The following MAGI1 variants were observed in gnomAD, a reference collection of about 807,000 sequenced individuals.
The protein encoded by MAGI1 is membrane associated guanylate kinase, WW and PDZ domain containing 1.
A neutral mutation model predicts 139.9 loss-of-function variants in MAGI1; 58 were observed. The ratio of observed to expected loss-of-function variants is 0.41; its 90% CI spans 0.34 to 0.52. MAGI1 has a LOEUF of 0.52. Ranked by LOEUF, MAGI1 falls within the 20% of genes least tolerant of loss-of-function variation. The pLI is 0.12. For synonymous variants in MAGI1, 812 were observed against 737.9 expected (o/e 1.10, Z -1.63); for missense variants, 1,874 against 1,901.6 (o/e 0.99, Z 0.27).
At chr3:65,979,293 C>T (rs908230687) in intron 1 of MAGI1, among the ~76,000 whole-genome samples, 4 of 152,024 alleles carry the variant, frequency 2.6e-5, no homozygotes, top group African/African-American at 9.7e-5. Context: ...ATCACATTCC[C>T]GGGGTGGAAA....
chr3:65,767,381 G>C (rs1334204526), intron 1 of MAGI1, among the ~76,000 whole-genome samples: 1 of 151,848 alleles, frequency 6.6e-6, no homozygotes, highest in Non-Finnish European at 1.5e-5. Flanking sequence ...ACATTAGGTA[G>C]ATCATTAGAG....
Position 65,356,893 on chromosome 3 carries a change from C to G in MAGI1, c.3874G>C (p.Gly1292Arg). The G allele has an allele frequency of 1.2e-6, 2 of 1,614,154 alleles. No homozygotes were observed. Among genetic ancestry groups the G allele is most frequent in the Non-Finnish European group, 1.7e-6 (2 of 1,179,992 alleles). ...GCCCGGTCCTTGGGTCGGCATGCCC[C>G]GCTGTCGGGTTTCCTCGAAGTCCCA... is the stretch of plus-strand genomic sequence containing the variant. ...WNGTSRKPDS[G>R]ACRPKDRAPE... Residue 1292 changes from glycine (G) to arginine (R), a missense_variant, in exon 23 of 23, where the codon GGG becomes CGG. Physicochemically the swap from Gly to Arg is moderately radical, Grantham distance 125 (BLOSUM62 -2). Coordinates refer to ENST00000402939, the MANE Select transcript of MAGI1 (RefSeq NM_001033057.2).
intron 1 of MAGI1, among the ~76,000 whole-genome samples, chr3:65,717,029 A>G (rs970468806): frequency 6.6e-6 from 1 of 152,200 alleles, no homozygotes; most frequent in Non-Finnish European, 1.5e-5. Flanking sequence ...CTTTGCCGAT[A>G]TGATTAAGTA....
At chr3:65,650,819 A>T (rs531528885) in intron 1 of MAGI1, among the ~76,000 whole-genome samples, 27 of 152,330 alleles carry the variant, frequency 1.8e-4, no homozygotes, top group African/African-American at 6.0e-4. Flanking sequence ...TAAGAATGCA[A>T]TTAAAGTATG....
intron 2 of MAGI1, among the ~76,000 whole-genome samples, chr3:65,538,527 A>C (rs1049331056): frequency 6.6e-6 from 1 of 152,206 alleles, no homozygotes; most frequent in African/African-American, 2.4e-5. Context: ...ATTTATACCA[A>C]GTTAGGCTGG....
Position 65,928,538 on chromosome 3 carries a change from T to C in MAGI1, c.313+109458A>G, listed in dbSNP as rs143502086. Among the ~76,000 whole-genome samples the C allele has an allele frequency of 9.2e-5, 14 of 152,286 alleles. No homozygotes were observed. The East Asian group carries it at 2.7e-3, about 29-fold the overall frequency. ...CTCAACTGCTCTATGAGGGCAGGAA[T>C]CTCAACTACATCTCTCAACATTGTC... is the stretch of plus-strand genomic sequence containing the variant. On this transcript the variant is annotated intron_variant, in intron 1 of 22. Transcript: ENST00000402939.
intron 2 of MAGI1, among the ~76,000 whole-genome samples, chr3:65,618,503 C>G (rs76840559): frequency 0.022 from 3,391 of 152,124 alleles, 97 homozygotes; most frequent in African/African-American, 0.071. Context: ...CCATTGCTTC[C>G]AAACCCACCA....
intron 1 of MAGI1, among the ~76,000 whole-genome samples, chr3:65,869,149 GA>G (rs71633196): frequency 0.11 from 17,091 of 149,964 alleles, 1,762 homozygotes; most frequent in East Asian, 0.33. Flanking sequence ...CAGCTACTCG[GA>G]GAGGCAGAGG....
rs371916485 is a variant in MAGI1, at chr3:65,899,341, A to G, written c.313+138655T>C. 1.5e-4 allele frequency among the ~76,000 whole-genome samples: 23 copies of G among 152,366 alleles called. No homozygotes were observed. In the South Asian group the frequency reaches 2.1e-3, roughly 14 times the overall value. ...AAGAGTCATCAGAGGAAGGAAGTTC[A>G]TAACTACTCAGGTCCATTTTCTCTT... On this transcript the variant is annotated intron_variant, in intron 1 of 22. Coordinates refer to ENST00000402939, the MANE Select transcript of MAGI1 (RefSeq NM_001033057.2).
intron 1 of MAGI1, among the ~76,000 whole-genome samples, chr3:65,795,011 C>A (rs892460852): frequency 5.9e-5 from 9 of 152,268 alleles, no homozygotes; most frequent in Middle Eastern, 3.4e-3. Flanking sequence ...GATACCACCA[C>A]GTACCTATCA....
At chr3:65,797,511 C>T (rs2040224611) in intron 1 of MAGI1, among the ~76,000 whole-genome samples, 1 of 152,098 alleles carries the variant, frequency 6.6e-6, no homozygotes, top group African/African-American at 2.4e-5. Context: ...CGGCTTGAGC[C>T]CCAGAGTTCG....
At chr3:65,506,671 C>T (rs1357832) in intron 2 of MAGI1, among the ~76,000 whole-genome samples, 1 of 152,094 alleles carries the variant, frequency 6.6e-6, no homozygotes, top group East Asian at 1.9e-4. Flanking sequence ...AAGAAAATGC[C>T]TACTTATTGA....
At chr3:65,526,159 C>T (rs933392452) in intron 2 of MAGI1, among the ~76,000 whole-genome samples, 4 of 152,156 alleles carry the variant, frequency 2.6e-5, no homozygotes, top group African/African-American at 9.7e-5. Flanking sequence ...CCAGTGGCGG[C>T]AGGGTGGGAT....
At chr3:65,712,063 T>C (rs9845962) in intron 1 of MAGI1, among the ~76,000 whole-genome samples, 60,453 of 151,972 alleles carry the variant, frequency 0.4, 13,030 homozygotes, top group African/African-American at 0.49. Flanking sequence ...GCCTAGCAAA[T>C]GGTTGGCTCT....
chr3:66,003,320 A>G (rs1461564941), intron 1 of MAGI1, among the ~76,000 whole-genome samples: 1 of 152,094 alleles, frequency 6.6e-6, no homozygotes. Context: ...TCAGCCACAG[A>G]GTAATGGAGA....
At chr3:65,934,427 A>C (rs1295929927) in intron 1 of MAGI1, among the ~76,000 whole-genome samples, 1 of 152,172 alleles carries the variant, frequency 6.6e-6, no homozygotes, top group Non-Finnish European at 1.5e-5. Flanking sequence ...AATAGGTCGG[A>C]TAAAGCAGGG....
At chr3:65,725,883 C>G (rs1449002137) in intron 1 of MAGI1, among the ~76,000 whole-genome samples, 1 of 152,036 alleles carries the variant, frequency 6.6e-6, no homozygotes, top group African/African-American at 2.4e-5. Flanking sequence ...AAGGTTGGAA[C>G]TCAAATTCTG....
chr3:65,807,903 T>C (rs567468284), intron 1 of MAGI1, among the ~76,000 whole-genome samples: 129 of 152,308 alleles, frequency 8.5e-4, no homozygotes, highest in African/African-American at 2.8e-3. Flanking sequence ...GGGCTGTTTT[T>C]TCTGATGGAG....
At chr3:65,461,582 G>A (rs188129081) in intron 5 of MAGI1, among the ~76,000 whole-genome samples, 8 of 149,354 alleles carry the variant, frequency 5.4e-5, no homozygotes, top group African/African-American at 1.7e-4. Flanking sequence ...TCCGCCTCCC[G>A]GGTTCACGCC....
Sources: allele counts gnomAD v4.1 joint callset (sites outside exome capture counted in the v4.1 genomes callset), GRCh38; gene constraint gnomAD v4.1.1; transcripts MANE v1.5; gene names NCBI Gene and HGNC (gene_info 2026-07-23, HGNC 2026-07-21).